The following SGSM2 variants were observed in gnomAD, a reference collection of about 807,000 sequenced individuals.
The protein encoded by SGSM2 is RUN and TBC1 domain containing 1.
A neutral mutation model predicts 126.6 loss-of-function variants in SGSM2; 89 were observed. That is an observed-to-expected ratio of 0.70 (90% CI 0.59 to 0.84). The LOEUF is 0.84. Among genes scored for constraint, SGSM2 ranks in the 40% least tolerant of loss-of-function variants. The pLI, the probability that SGSM2 is intolerant of heterozygous loss-of-function variation, is 0.00. For missense variants in SGSM2, 1,404 were observed against 1,416.6 expected (o/e 0.99, Z 0.14); for synonymous variants, 614 against 574.3 (o/e 1.07, Z -0.99).
At chr17:2,373,610 TG>T in intron 17 of SGSM2, 97 bp downstream of exon 17, 3 of 1,187,192 alleles carry the variant, frequency 2.5e-6, no homozygotes, top group Non-Finnish European at 3.5e-6. Context: ...TGGGAACTGG[TG>T]GGGCCCTGCG....
intron 8 of SGSM2, 98 bp downstream of exon 8, chr17:2,364,281 CCTCA>C (rs1023051175): frequency 2.0e-6 from 3 of 1,474,140 alleles, no homozygotes; most frequent in Non-Finnish European, 2.8e-6. Flanking sequence ...AGGAGGCCAA[CCTCA>C]CTCTTTATTT....
At chr17:2,376,887 G>A in intron 20 of SGSM2, 72 bp downstream of exon 20, 1 of 1,606,146 alleles carries the variant, frequency 6.2e-7, no homozygotes. Context: ...CAGGTCTGGA[G>A]GGGTGGGAAT....
chr17:2,347,355 C>G (rs2064642615), intron 2 of SGSM2, among the ~76,000 whole-genome samples: 1 of 151,646 alleles, frequency 6.6e-6, no homozygotes, highest in African/African-American at 2.4e-5. Flanking sequence ...GATCTGCCCA[C>G]CTTGGCCTCC....
Position 2,363,992 on chromosome 17 carries a change from T to C in SGSM2, c.808-67T>C. 2 of 1,606,508 alleles carry C rather than the reference T, an allele frequency of 1.2e-6. No homozygotes were observed. Among genetic ancestry groups the C allele is most frequent in the African/African-American group, 1.3e-5 (1 of 74,850 alleles). ...CCCCTCCTCCCAGCGGGAGCTCATT[T>C]CTCATAGGCCATCCCTGAGAGCCTC... On this transcript the variant is annotated intron_variant, in intron 7 of 23. Transcript: ENST00000268989. This position sits in a 1 kb window ranked among gnomAD's most constrained non-coding sequence, Gnocchi z 4.2.
chr17:2,378,545 AAAAG>A (rs979233399), intron 22 of SGSM2, among the ~76,000 whole-genome samples: 6 of 151,982 alleles, frequency 3.9e-5, no homozygotes, highest in African/African-American at 1.4e-4. Context: ...AAAAAAAAAG[AAAAG>A]AAAAGAAAAA....
intron 1 of SGSM2, among the ~76,000 whole-genome samples, chr17:2,342,030 C>A (rs554842318): frequency 1.3e-4 from 20 of 152,238 alleles, no homozygotes. Context: ...TACAGCTATA[C>A]ACAACATGAA....
intron 2 of SGSM2, among the ~76,000 whole-genome samples, chr17:2,352,683 G>A (rs2064905784): frequency 6.6e-6 from 1 of 151,984 alleles, no homozygotes; most frequent in African/African-American, 2.4e-5. Flanking sequence ...TGAGAGCCAA[G>A]GCAGAATGCA....
At chr17:2,358,851 G>C (rs1483514981) in intron 2 of SGSM2, among the ~76,000 whole-genome samples, 2 of 148,136 alleles carry the variant, frequency 1.4e-5, no homozygotes, top group African/African-American at 5.0e-5. Flanking sequence ...TCAGGGAGGG[G>C]CTCTTTTTTG....
At position 2,367,050 on chromosome 17, in the gene SGSM2, C is replaced by T. The variant is rs572585900; in HGVS notation, c.1289-221C>T. 64 of 541,582 alleles carry T rather than the reference C, an allele frequency of 1.2e-4. No individual in the cohort carries two copies. The highest frequency in any genetic ancestry group is 1.1e-3 in the South Asian group (46 of 40,602). 33.5% of individuals were successfully genotyped at this position (541,582 alleles called of 1,614,324 possible). A position where few individuals can be genotyped will look rare whatever the true frequency, so the allele number is the denominator to read the frequency against. On this transcript the variant is annotated intron_variant, in intron 11 of 23. Transcript: ENST00000268989. This position sits in a 1 kb window ranked among gnomAD's most constrained non-coding sequence, Gnocchi z 4.0. ...TCTGTTCTTCCTAGAGAGGCTGCCT[C>T]CGAAGAGTGAGGTTCTGCAGCTGCC... is the stretch of plus-strand genomic sequence containing the variant.
intron 17 of SGSM2, 100 bp from the exon 18 acceptor site, chr17:2,375,392 T>C: frequency 2.1e-6 from 3 of 1,428,540 alleles, no homozygotes; most frequent in Non-Finnish European, 1.9e-6. Flanking sequence ...AGAGGGGGTG[T>C]GAAGAGTTTT....
At chr17:2,360,904 A>C (rs1001184993) in intron 2 of SGSM2, among the ~76,000 whole-genome samples, 10 of 151,714 alleles carry the variant, frequency 6.6e-5, no homozygotes, top group Non-Finnish European at 1.3e-4. Context: ...TTCCCTCCTC[A>C]CCTGTAAAAC....
At position 2,375,724 on chromosome 17, in the gene SGSM2, AGGAGGACGGCGGTGG is replaced by A. The variant is rs761794061; in HGVS notation, c.2340_2354del (p.Asp780_Glu784del). On this transcript the variant is annotated inframe_deletion, in exon 18 of 24. Transcript: ENST00000268989. ...GAGGGGCAGAGCGTGGGCTTCGAAG[AGGAGGACGGCGGTGG>A]GGAGGAAGGCTCCAGTGGGCCCGGC... 15 of 1,610,234 alleles carry A rather than the reference AGGAGGACGGCGGTGG, an allele frequency of 9.3e-6. No homozygotes were observed. Among genetic ancestry groups the A allele is most frequent in the Middle Eastern group, 1.7e-4 (1 of 5,808 alleles).
intron 2 of SGSM2, among the ~76,000 whole-genome samples, chr17:2,360,667 C>T (rs1417443197): frequency 6.6e-6 from 1 of 152,276 alleles, no homozygotes; most frequent in Non-Finnish European, 1.5e-5. Context: ...GAGCAAGTGA[C>T]CGTGCCAAGC....
At chr17:2,341,016 A>C (rs2064346414) in intron 1 of SGSM2, among the ~76,000 whole-genome samples, 1 of 152,242 alleles carries the variant, frequency 6.6e-6, no homozygotes, top group Non-Finnish European at 1.5e-5. Flanking sequence ...CCTTCAACCC[A>C]AAAATCCTCC....
chr17:2,364,284 C>T, intron 8 of SGSM2, 101 bp downstream of exon 8: 2 of 1,464,000 alleles, frequency 1.4e-6, no homozygotes, highest in Non-Finnish European at 1.9e-6. Flanking sequence ...AGGCCAACCT[C>T]ACTCTTTATT....
Position 2,364,156 on chromosome 17 carries a change from C to T in SGSM2, c.905C>T (p.Thr302Ile). 1.2e-6 allele frequency: 2 copies of T among 1,613,992 alleles called. No homozygotes were observed. The highest frequency in any genetic ancestry group is 1.7e-6 in the Non-Finnish European group (2 of 1,180,024). ...KWTPNQLMNG[T>I]LGDSELEKSV... ...ACCCCCAACCAGCTCATGAATGGGA[C>T]TCTGGGGGACTCCGAGCTGGAAAAG... Residue 302 changes from threonine to isoleucine, a missense_variant, in exon 8 of 24, where the codon ACT becomes ATT. Physicochemically the swap from Thr to Ile is moderately conservative, Grantham distance 89. Transcript: ENST00000268989.
At chr17:2,338,304 G>T (rs1288477863) in intron 1 of SGSM2, among the ~76,000 whole-genome samples, 1 of 152,196 alleles carries the variant, frequency 6.6e-6, no homozygotes, top group Non-Finnish European at 1.5e-5. Context: ...GGGACCAGGG[G>T]CTTGTTTGGA....
intron 2 of SGSM2, among the ~76,000 whole-genome samples, chr17:2,344,547 C>A (rs1284347836): frequency 1.3e-5 from 2 of 152,182 alleles, no homozygotes; most frequent in Admixed American, 6.5e-5. Context: ...CAAGGGCTCA[C>A]CAGGTGCCAG....
At chr17:2,341,676 C>A (rs906757097) in intron 1 of SGSM2, among the ~76,000 whole-genome samples, 2 of 152,192 alleles carry the variant, frequency 1.3e-5, no homozygotes, top group Admixed American at 1.3e-4. Context: ...CTATAATCTC[C>A]AGTACTAGGA....
Sources: gnomAD v4.1 joint callset for allele counts (sites outside exome capture counted in the v4.1 genomes callset) on GRCh38, gnomAD v4.1.1 for gene constraint, Gnocchi (gnomAD v3.1) non-coding constraint, MANE v1.5 for transcripts, NCBI Gene and HGNC (gene_info 2026-07-23, HGNC 2026-07-21) for gene names.